The following PTPRG variants were observed in gnomAD, a reference collection of about 807,000 sequenced individuals.
The protein encoded by PTPRG is receptor-type tyrosine-protein phosphatase gamma.
A neutral mutation model predicts 165.3 loss-of-function variants in PTPRG; 102 were observed. The observed-to-expected ratio is 0.62, with a 90% CI of 0.53 to 0.73. The LOEUF (loss-of-function observed/expected upper bound fraction) is 0.73. Ranked by LOEUF, PTPRG falls within the 30% of genes least tolerant of loss-of-function variation. The probability of loss-of-function intolerance (pLI) is 0.00; values close to 1 mark genes in which losing one functional copy is unlikely to be tolerated. For missense variants in PTPRG, 1,866 were observed against 1,861.4 expected (o/e 1.00, Z -0.05); for synonymous variants, 675 against 669.5 (o/e 1.01, Z -0.13).
At position 62,252,356 on chromosome 3, in the gene PTPRG, G is replaced by T. The variant is rs566267869; in HGVS notation, c.2468-2768G>T. ...TCTGAGTCGGAGCACTTTTTATCTA[G>T]GGTCTGCAGCCAACTTCTTCTGCCA... On this transcript the variant is annotated intron_variant, in intron 15 of 29. Coordinates refer to ENST00000474889, the MANE Select transcript of PTPRG (RefSeq NM_002841.4). This position sits in a 1 kb window ranked among gnomAD's most constrained non-coding sequence, Gnocchi z 4.6. 8.5e-5 allele frequency among the ~76,000 whole-genome samples: 13 copies of T among 152,282 alleles called. No individual in the cohort carries two copies. Among genetic ancestry groups the T allele is most frequent in the African/African-American group, 3.1e-4 (13 of 41,558 alleles).
chr3:61,617,341 A>T (rs1559525944), intron 1 of PTPRG, among the ~76,000 whole-genome samples: 1 of 152,164 alleles, frequency 6.6e-6, no homozygotes, highest in African/African-American at 2.4e-5. Context: ...TCGGTATTTA[A>T]TGGCTCTTCT....
rs72878145 is a variant in PTPRG at position 62,255,168 on chromosome 3, G to A, written c.2512G>A (p.Gly838Ser). The A allele has an allele frequency of 1.1e-3, 1,813 of 1,613,220 alleles. 16 individuals are homozygous for A. In the African/African-American group the frequency reaches 0.02, roughly 18 times the overall value. ...IPVKQFVKHI[G>S]ELYSNNQHGF... is the part of the protein sequence containing the mutation. ...TGTCAAACAGTTTGTCAAACACATCGGTGAGCTCTATTCTAATAACCAGCA... is the reference window on the plus strand; with the variant it reads ...TGTCAAACAGTTTGTCAAACACATCAGTGAGCTCTATTCTAATAACCAGCA... Residue 838 changes from glycine (G) to serine (S), a missense_variant, in exon 16 of 30, where the codon GGT becomes AGT. Gly to Ser is a moderately conservative substitution (Grantham distance 56). Coordinates refer to ENST00000474889, the MANE Select transcript of PTPRG (RefSeq NM_002841.4). The surrounding 1 kb of genome is among the most constrained non-coding windows in gnomAD (Gnocchi z 4.0).
chr3:61,847,430 A>G (rs2036837561), intron 2 of PTPRG, among the ~76,000 whole-genome samples: 1 of 152,158 alleles, frequency 6.6e-6, no homozygotes, highest in Non-Finnish European at 1.5e-5. Flanking sequence ...TCTGCCCTCC[A>G]GAGCTGTGAG....
chr3:62,160,397 C>T (rs767505587), intron 7 of PTPRG, among the ~76,000 whole-genome samples: 3 of 152,218 alleles, frequency 2.0e-5, no homozygotes, highest in African/African-American at 4.8e-5. Context: ...CTAATGGAAC[C>T]GCACATTGGT....
rs1197071794 is a variant in PTPRG, at chr3:62,237,399, G to A, written c.2375+6088G>A. On this transcript the variant is annotated intron_variant, in intron 14 of 29. Coordinates refer to ENST00000474889, the MANE Select transcript of PTPRG (RefSeq NM_002841.4). The surrounding 1 kb of genome is among the most constrained non-coding windows in gnomAD (Gnocchi z 4.5). ...TAAAGGACTGTCAGAGCAGCTGGGCGTGTGTGTGTTTCATTAGTCAAGAAG... is the reference window on the plus strand; with the variant it reads ...TAAAGGACTGTCAGAGCAGCTGGGCATGTGTGTGTTTCATTAGTCAAGAAG... 1.3e-5 allele frequency among the ~76,000 whole-genome samples: 2 copies of A among 152,110 alleles called. No individual in the cohort carries two copies. The highest frequency in any genetic ancestry group is 2.4e-5 in the African/African-American group (1 of 41,434).
chr3:61,641,163 CAA>C (rs1291763283), intron 1 of PTPRG, among the ~76,000 whole-genome samples: 5 of 152,126 alleles, frequency 3.3e-5, no homozygotes, highest in Admixed American at 2.0e-4. Context: ...TCTAGTGAAA[CAA>C]ATAAAATTCC....
chr3:61,753,585 G>GTTTTTTTTTTTTTTTTT, intron 2 of PTPRG: 1 of 362,970 alleles, frequency 2.8e-6, no homozygotes, highest in South Asian at 1.9e-5. Flanking sequence ...AAATTTGAGG[G>GTTTTTTTTTTTTTTTTT]TTTTTTTTTT....
chr3:62,034,835 G>A (rs111329322), intron 4 of PTPRG, among the ~76,000 whole-genome samples: 124 of 152,236 alleles, frequency 8.1e-4, no homozygotes, highest in Non-Finnish European at 1.4e-3. Context: ...GGCCACCCCC[G>A]CAGCCAGCTG....
At chr3:62,044,348 G>A (rs1700221307) in intron 4 of PTPRG, among the ~76,000 whole-genome samples, 1 of 152,158 alleles carries the variant, frequency 6.6e-6, no homozygotes, top group African/African-American at 2.4e-5. Context: ...AGACAAGCCT[G>A]ACCAATATGG....
At chr3:61,843,842 A>T (rs577130185) in intron 2 of PTPRG, among the ~76,000 whole-genome samples, 3 of 151,822 alleles carry the variant, frequency 2.0e-5, no homozygotes, top group Admixed American at 2.0e-4. Flanking sequence ...AAAACAAAAA[A>T]CCCAGTTTTC....
chr3:61,733,030 G>A (rs147413980), intron 1 of PTPRG, among the ~76,000 whole-genome samples: 147 of 152,214 alleles, frequency 9.7e-4, no homozygotes, highest in African/African-American at 3.3e-3. Context: ...CCACTAGAGG[G>A]TTTTTACAGT....
chr3:62,019,800 A>G (rs529068607), intron 4 of PTPRG, among the ~76,000 whole-genome samples: 1 of 152,334 alleles, frequency 6.6e-6, no homozygotes, highest in East Asian at 1.9e-4. Flanking sequence ...TTAAAAACAA[A>G]AACTCTTACA....
intron 1 of PTPRG, among the ~76,000 whole-genome samples, chr3:61,630,952 A>G (rs1388190095): frequency 6.6e-6 from 1 of 151,992 alleles, no homozygotes; most frequent in Non-Finnish European, 1.5e-5. Context: ...GCTACTCGGG[A>G]GGGTGAGGAA....
chr3:61,860,643 C>T (rs113301879), intron 2 of PTPRG, among the ~76,000 whole-genome samples: 10 of 152,016 alleles, frequency 6.6e-5, no homozygotes, highest in African/African-American at 1.2e-4. Flanking sequence ...AGGGTTTCTG[C>T]AGGTTGGCCA....
intron 2 of PTPRG, among the ~76,000 whole-genome samples, chr3:61,880,606 A>G (rs2037859545): frequency 6.8e-6 from 1 of 147,318 alleles, no homozygotes; most frequent in East Asian, 2.0e-4. Context: ...CTTGGGTGAC[A>G]ACGCGAACCC....
At chr3:62,043,816 A>C (rs1700201252) in intron 4 of PTPRG, among the ~76,000 whole-genome samples, 1 of 152,192 alleles carries the variant, frequency 6.6e-6, no homozygotes, top group African/African-American at 2.4e-5. Context: ...AATCTAGTCA[A>C]TTCGGAAGAA....
In PTPRG at chr3:62,235,338, A is replaced by G. The variant is rs528270528; in HGVS notation, c.2375+4027A>G. On this transcript the variant is annotated intron_variant, in intron 14 of 29. Transcript: ENST00000474889. ...TCTGAAGGGTGAGACAGACACCTTA[A>G]AGCCCCTGACTTCAAGCCTTCTTTT... 8.5e-5 allele frequency among the ~76,000 whole-genome samples: 13 copies of G among 152,278 alleles called. No individual in the cohort carries two copies. The East Asian group carries it at 2.5e-3, about 29-fold the overall frequency.
chr3:61,997,866 A>T (rs953321966), intron 3 of PTPRG, among the ~76,000 whole-genome samples: 7 of 152,214 alleles, frequency 4.6e-5, no homozygotes, highest in African/African-American at 1.7e-4. Flanking sequence ...CCCTTTTACC[A>T]GGAGTCCCAG....
intron 12 of PTPRG, among the ~76,000 whole-genome samples, chr3:62,212,338 A>G (rs898537487): frequency 5.9e-5 from 9 of 152,134 alleles, no homozygotes. Flanking sequence ...AGAATGGACT[A>G]TGTTATATGG....
Sources: allele counts gnomAD v4.1 joint callset (sites outside exome capture counted in the v4.1 genomes callset), GRCh38; gene constraint gnomAD v4.1.1; non-coding constraint Gnocchi (gnomAD v3.1); transcripts MANE v1.5; gene names NCBI Gene and HGNC (gene_info 2026-07-23, HGNC 2026-07-21).